Variants in RANBP17 observed in about 807,000 individuals in gnomAD.
RANBP17 encodes RAN binding protein 17.
Under a neutral mutation model 141.2 loss-of-function variants are expected in RANBP17, and 158 were observed. That is an observed-to-expected ratio of 1.12 (90% CI 0.98 to 1.28). RANBP17 has a LOEUF of 1.28. RANBP17 is among the 50% of genes most tolerant of loss of function. The pLI, the probability that RANBP17 is intolerant of heterozygous loss-of-function variation, is 0.00. For synonymous variants in RANBP17, 430 were observed against 450.0 expected (o/e 0.96, Z 0.56); for missense variants, 1,438 against 1,290.7 (o/e 1.11, Z -1.75).
intron 14 of RANBP17, among the ~76,000 whole-genome samples, chr5:171,080,703 A>G (rs752946069): frequency 5.9e-5 from 9 of 152,118 alleles, no homozygotes; most frequent in South Asian, 4.1e-4. Flanking sequence ...AAGGACTTCA[A>G]CCTTTTACGG....
chr5:170,933,090 C>T (rs1773540395), intron 12 of RANBP17, among the ~76,000 whole-genome samples: 1 of 152,110 alleles, frequency 6.6e-6, no homozygotes, highest in Non-Finnish European at 1.5e-5. Flanking sequence ...AATTTCAGAA[C>T]CTGTTATTGG....
At chr5:171,263,177 T>G (rs1766442839) in intron 24 of RANBP17, among the ~76,000 whole-genome samples, 1 of 152,208 alleles carries the variant, frequency 6.6e-6, no homozygotes, top group South Asian at 2.1e-4. Context: ...CAGAGATGAA[T>G]AAGATGAATG....
intron 16 of RANBP17, 38 bp downstream of exon 16, chr5:171,171,324 C>A: frequency 8.4e-7 from 1 of 1,188,362 alleles, no homozygotes; most frequent in Non-Finnish European, 1.2e-6. Flanking sequence ...TATGTGTAAA[C>A]AACCTAGCAG....
intron 3 of RANBP17, among the ~76,000 whole-genome samples, chr5:170,890,468 A>G (rs1373127815): frequency 1.3e-5 from 2 of 152,124 alleles, no homozygotes; most frequent in African/African-American, 2.4e-5. Context: ...AGGTTGAAGT[A>G]TAATAGTTAC....
chr5:171,298,680 C>G, intron 27 of RANBP17, 82 bp from the exon 28 acceptor site: 11 of 1,068,088 alleles, frequency 1.0e-5, no homozygotes, highest in Non-Finnish European at 1.6e-5. Context: ...AAGTCCTGAA[C>G]TCCAAAATGG....
At chr5:171,151,036 A>C (rs369124362) in intron 14 of RANBP17, among the ~76,000 whole-genome samples, 251 of 152,318 alleles carry the variant, frequency 1.6e-3, no homozygotes, top group African/African-American at 5.7e-3. Context: ...CTTTTTCCTT[A>C]AAGTTTATAT....
chr5:171,274,149 TGCGC>T (rs1554127520), intron 25 of RANBP17, among the ~76,000 whole-genome samples: 63 of 126,772 alleles, frequency 5.0e-4, no homozygotes, highest in African/African-American at 1.5e-3. Context: ...TGTGTGTGTG[TGCGC>T]GCGCGCGCGC....
chr5:171,272,316 A>G (rs1477219088), intron 25 of RANBP17, among the ~76,000 whole-genome samples: 1 of 152,172 alleles, frequency 6.6e-6, no homozygotes, highest in Admixed American at 6.6e-5. Flanking sequence ...TATATAACAA[A>G]CCTGTACATG....
At chr5:171,278,912 C>G (rs1293785083) in intron 25 of RANBP17, among the ~76,000 whole-genome samples, 1 of 152,184 alleles carries the variant, frequency 6.6e-6, no homozygotes, top group East Asian at 1.9e-4. Context: ...TTCGCCTTCA[C>G]TTTGAAAAAC....
intron 24 of RANBP17, among the ~76,000 whole-genome samples, chr5:171,253,985 C>T (rs1765728999): frequency 6.6e-6 from 1 of 152,110 alleles, no homozygotes; most frequent in Non-Finnish European, 1.5e-5. Flanking sequence ...CGGTGGCTCA[C>T]GCCTATAATC....
intron 14 of RANBP17, among the ~76,000 whole-genome samples, chr5:171,151,873 T>C (rs1218903242): frequency 6.6e-6 from 1 of 152,144 alleles, no homozygotes; most frequent in African/African-American, 2.4e-5. Flanking sequence ...GAGGGCTGGT[T>C]TTTCTGCATT....
intron 1 of RANBP17, among the ~76,000 whole-genome samples, chr5:170,876,960 G>A (rs917481047): frequency 6.6e-6 from 1 of 152,108 alleles, no homozygotes; most frequent in Non-Finnish European, 1.5e-5. Flanking sequence ...CAAATTTAAA[G>A]TGAGGTAATT....
intron 22 of RANBP17, among the ~76,000 whole-genome samples, chr5:171,224,617 A>G (rs1256632936): frequency 6.6e-6 from 1 of 152,230 alleles, no homozygotes; most frequent in African/African-American, 2.4e-5. Flanking sequence ...TGTGAGGATT[A>G]TGTCGGAGGA....
At chr5:170,904,746 T>A (rs1416071346) in intron 5 of RANBP17, among the ~76,000 whole-genome samples, 1 of 152,188 alleles carries the variant, frequency 6.6e-6, no homozygotes, top group East Asian at 1.9e-4. Context: ...TATAACCTCA[T>A]ATTTAGGCAT....
intron 3 of RANBP17, among the ~76,000 whole-genome samples, chr5:170,890,284 T>C (rs942479087): frequency 1.3e-5 from 2 of 152,220 alleles, no homozygotes; most frequent in African/African-American, 4.8e-5. Flanking sequence ...GTCATCTTCT[T>C]ATGTTTTGTT....
intron 24 of RANBP17, among the ~76,000 whole-genome samples, chr5:171,258,155 A>ACC (rs1581133829): frequency 6.9e-6 from 1 of 144,580 alleles, no homozygotes; most frequent in East Asian, 2.1e-4. Context: ...ACACACACAC[A>ACC]CACACCCCTA....
chr5:171,184,302 T>TA (rs1168186181), intron 18 of RANBP17, among the ~76,000 whole-genome samples: 3 of 152,062 alleles, frequency 2.0e-5, no homozygotes, highest in African/African-American at 7.2e-5. Flanking sequence ...TATTCAGCCA[T>TA]AAAAAAGGAA....
At chr5:171,216,617 G>A (rs912364315) in intron 21 of RANBP17, among the ~76,000 whole-genome samples, 1 of 152,002 alleles carries the variant, frequency 6.6e-6, no homozygotes, top group Admixed American at 6.6e-5. Context: ...CCTTAAAGAG[G>A]TCCTTCACAT....
chr5:171,273,118 T>C (rs377380513), intron 25 of RANBP17, among the ~76,000 whole-genome samples: 12 of 152,368 alleles, frequency 7.9e-5, no homozygotes, highest in African/African-American at 2.6e-4. Flanking sequence ...ATATGGCAGC[T>C]GTGAAATGAT....
Sources: allele counts gnomAD v4.1 joint callset (sites outside exome capture counted in the v4.1 genomes callset), GRCh38; gene constraint gnomAD v4.1.1; transcripts MANE v1.5; gene names NCBI Gene and HGNC (gene_info 2026-07-23, HGNC 2026-07-21).